The following MTA1 variants were observed in gnomAD, a reference collection of about 807,000 sequenced individuals.
MTA1 encodes the protein metastasis-associated protein MTA1.
MTA1 carries 15 observed loss-of-function variants against 97.0 expected under a neutral mutation model. The observed-to-expected ratio is 0.15, with a 90% CI of 0.10 to 0.24. MTA1 has a LOEUF of 0.24. MTA1 is among the 10% of genes least tolerant of loss of function. The pLI is 1.00. For synonymous variants in MTA1, 435 were observed against 417.5 expected (o/e 1.04, Z -0.51); for missense variants, 709 against 1,015.1 (o/e 0.70, Z 4.10).
At chr14:105,455,654 T>C (rs2083119562) in intron 7 of MTA1, among the ~76,000 whole-genome samples, 1 of 152,254 alleles carries the variant, frequency 6.6e-6, no homozygotes, top group Non-Finnish European at 1.5e-5. Flanking sequence ...TAGCTGGTGC[T>C]GTTTCGTGTT....
intron 2 of MTA1, among the ~76,000 whole-genome samples, chr14:105,439,207 C>T (rs962032936): frequency 6.2e-5 from 8 of 129,996 alleles, no homozygotes; most frequent in African/African-American, 2.3e-4. Context: ...GTCACTCAGG[C>T]AGCCCTGCAG....
Position 105,426,778 on chromosome 14 carries a change from C to T in MTA1, c.28+6715C>T, listed in dbSNP as rs140691143. Among the ~76,000 whole-genome samples, 129 of 152,290 alleles carry T rather than the reference C, an allele frequency of 8.5e-4. 4 individuals carry two copies. The East Asian group carries it at 0.013, about 16-fold the overall frequency. On this transcript the variant is annotated intron_variant, in intron 1 of 20. Transcript: ENST00000331320. ...GATGACCCCAAGGATGGGCCGGGCGCGAGGCTTGCAGCAGTGCCCAGGTTT... is the reference window on the plus strand; with the variant it reads ...GATGACCCCAAGGATGGGCCGGGCGTGAGGCTTGCAGCAGTGCCCAGGTTT...
rs111872805 is a variant in MTA1, at chr14:105,445,371, C to T, written c.97-47C>T. 50 of 1,575,160 alleles carry T rather than the reference C, an allele frequency of 3.2e-5. 1 individual carries two copies. In the African/African-American group the frequency reaches 3.2e-4, roughly 10 times the overall value. On this transcript the variant is annotated intron_variant, in intron 2 of 20. Transcript: ENST00000331320. ...GGAGCCCCTCCTGGGAGCTGTGCAG[C>T]CCGGGTTTGGTCGCGTTTCTCAGAC...
intron 4 of MTA1, 44 bp downstream of exon 4, chr14:105,449,453 C>G: frequency 1.3e-6 from 2 of 1,599,520 alleles, no homozygotes; most frequent in Non-Finnish European, 1.7e-6. Context: ...CTGTCTGTGT[C>G]CCTGGGCTGG....
intron 10 of MTA1, among the ~76,000 whole-genome samples, chr14:105,462,427 G>A (rs2083391738): frequency 6.6e-6 from 1 of 152,046 alleles, no homozygotes. Flanking sequence ...AAATTAGTCG[G>A]GCATGGTGGC....
At chr14:105,451,976 GA>G (rs781815172) in intron 6 of MTA1, among the ~76,000 whole-genome samples, 1 of 151,992 alleles carries the variant, frequency 6.6e-6, no homozygotes, top group Non-Finnish European at 1.5e-5. Context: ...ATTTTTAGTA[GA>G]AATGGGGTTT....
At chr14:105,433,368 A>C (rs1344102375) in intron 1 of MTA1, among the ~76,000 whole-genome samples, 1 of 152,176 alleles carries the variant, frequency 6.6e-6, no homozygotes, top group African/African-American at 2.4e-5. Context: ...CAGCCCCTCC[A>C]GAGGTCAGGC....
chr14:105,452,127 A>G (rs902735276), intron 6 of MTA1, among the ~76,000 whole-genome samples: 2 of 152,204 alleles, frequency 1.3e-5, no homozygotes, highest in African/African-American at 4.8e-5. Context: ...GTTTCTGAAC[A>G]GCCCCAATAT....
chr14:105,433,973 G>A (rs1595291169), intron 1 of MTA1, among the ~76,000 whole-genome samples: 1 of 152,076 alleles, frequency 6.6e-6, no homozygotes, highest in African/African-American at 2.4e-5. Context: ...GACTACAGGT[G>A]CGTGCCACCA....
intron 2 of MTA1, among the ~76,000 whole-genome samples, chr14:105,439,756 C>T (rs924800318): frequency 6.6e-6 from 1 of 152,160 alleles, no homozygotes; most frequent in African/African-American, 2.4e-5. Context: ...GAGCCAGTGG[C>T]CCGATGGCTG....
chr14:105,426,763 A>G (rs2082027476), intron 1 of MTA1, among the ~76,000 whole-genome samples: 1 of 152,208 alleles, frequency 6.6e-6, no homozygotes, highest in Admixed American at 6.5e-5. Context: ...GATGACCCCA[A>G]GGATGGGCCG....
At chr14:105,436,923 T>C (rs1214244094) in intron 1 of MTA1, among the ~76,000 whole-genome samples, 2 of 152,244 alleles carry the variant, frequency 1.3e-5, no homozygotes, top group Non-Finnish European at 2.9e-5. Context: ...CGTGGACACA[T>C]CCTGCATTCA....
chr14:105,447,236 AGCAGTGCCCAG>A (rs2082747616), intron 3 of MTA1, among the ~76,000 whole-genome samples: 2 of 152,168 alleles, frequency 1.3e-5, no homozygotes, highest in Admixed American at 6.5e-5. Context: ...CCGCTGGAGA[AGCAGTGCCCAG>A]GCTGAGCGGC....
Position 105,465,193 on chromosome 14 carries a change from C to T in MTA1, c.1624+10C>T. On this transcript the variant is annotated intron_variant, in intron 16 of 20. Coordinates refer to ENST00000331320, the MANE Select transcript of MTA1 (RefSeq NM_004689.4). ...GTGCTTCGGTATCTTGGTGAGCAGC[C>T]AGGCGTGCTGGGGGGCTCCCAATGC... is the stretch of plus-strand genomic sequence containing the variant. The T allele has an allele frequency of 6.6e-7, 1 of 1,512,028 alleles. No individual in the cohort carries two copies. 93.7% of individuals were successfully genotyped at this position (1,512,028 alleles called of 1,614,324 possible). A position where few individuals can be genotyped will look rare whatever the true frequency, so the allele number is the denominator to read the frequency against.
chr14:105,450,076 T>C lies in MTA1; in HGVS notation c.260T>C (p.Met87Thr), dbSNP rs782238850. The C allele has an allele frequency of 6.2e-7, 1 of 1,613,328 alleles. No homozygotes were observed. The highest frequency in any genetic ancestry group is 8.5e-7 in the Non-Finnish European group (1 of 1,179,866). ...CCTTCAGGGGAAATAGAAGAGGAAATGGAGAACCCGGAAATGGTGGACCTG... is the reference window on the plus strand; with the variant it reads ...CCTTCAGGGGAAATAGAAGAGGAAACGGAGAACCCGGAAATGGTGGACCTG... ...NGEEGEIEEE[M>T]ENPEMVDLPE... is the part of the protein sequence containing the mutation. The change falls in exon 5 of 21, where the codon ATG (methionine) becomes ACG (threonine). Residue 87 changes from methionine to threonine, a missense_variant. Around this residue, in one of 2 missense-constraint regions of MTA1, gnomAD observed 321 missense variants for 593.5 expected, o/e 0.54. Transcript: ENST00000331320.
chr14:105,447,907 G>C (rs949238484), intron 3 of MTA1, among the ~76,000 whole-genome samples: 8 of 152,200 alleles, frequency 5.3e-5, no homozygotes, highest in Non-Finnish European at 7.4e-5. Flanking sequence ...TGATCCCAGG[G>C]ACAGGTGTGA....
intron 2 of MTA1, 26 bp from the exon 3 acceptor site, chr14:105,445,392 C>T: frequency 1.9e-6 from 3 of 1,609,138 alleles, no homozygotes; most frequent in African/African-American, 2.7e-5. Context: ...TCGCGTTTCT[C>T]AGACGCCCCT....
intron 1 of MTA1, among the ~76,000 whole-genome samples, chr14:105,426,000 A>C (rs587722329): frequency 1.7e-4 from 26 of 152,034 alleles, no homozygotes; most frequent in Non-Finnish European, 3.5e-4. Context: ...GGGCCTCAGC[A>C]CTGCAGCCCC....
At chr14:105,461,895 C>T (rs1377604836) in intron 10 of MTA1, among the ~76,000 whole-genome samples, 1 of 152,202 alleles carries the variant, frequency 6.6e-6, no homozygotes, top group Non-Finnish European at 1.5e-5. Context: ...ATACGGATCT[C>T]TCCAGGCTTA....
Sources: allele counts gnomAD v4.1 joint callset (sites outside exome capture counted in the v4.1 genomes callset), GRCh38; gene constraint gnomAD v4.1.1; regional missense constraint gnomAD v4.1.1; transcripts MANE v1.5; gene names NCBI Gene and HGNC (gene_info 2026-07-23, HGNC 2026-07-21).